Variants in DLGAP2 observed in about 807,000 individuals in gnomAD.
DLGAP2 encodes the protein disks large-associated protein 2.
A neutral mutation model predicts 100.3 loss-of-function variants in DLGAP2; 26 were observed. The ratio of observed to expected loss-of-function variants is 0.26; its 90% CI spans 0.19 to 0.36. The LOEUF is 0.36. Ranked by LOEUF, DLGAP2 falls within the 10% of genes least tolerant of loss-of-function variation. The pLI, the probability that DLGAP2 is intolerant of heterozygous loss-of-function variation, is 1.00. For missense variants in DLGAP2, 1,858 were observed against 1,453.2 expected, an observed-to-expected ratio of 1.28 and a Z score of -4.53; for synonymous variants, 886 against 630.1, an observed-to-expected ratio of 1.41 and a Z score of -6.08.
intron 8 of DLGAP2, among the ~76,000 whole-genome samples, chr8:1,645,044 C>G (rs960410411): frequency 3.9e-5 from 6 of 152,130 alleles, no homozygotes; most frequent in Non-Finnish European, 8.8e-5. Flanking sequence ...AGAGAGAGCT[C>G]TGATGGCACC....
intron 3 of DLGAP2, among the ~76,000 whole-genome samples, chr8:1,289,290 A>G (rs1349426119): frequency 6.6e-6 from 1 of 152,248 alleles, no homozygotes; most frequent in Non-Finnish European, 1.5e-5. Flanking sequence ...AGAGACAGCT[A>G]CTTATTTGAC....
chr8:1,290,863 G>A (rs1364545005), intron 3 of DLGAP2, among the ~76,000 whole-genome samples: 2 of 152,054 alleles, frequency 1.3e-5, no homozygotes, highest in Non-Finnish European at 2.9e-5. Context: ...TTGCTATTGT[G>A]GAAAAATAGA....
At chr8:1,438,652 C>T (rs992616965) in intron 3 of DLGAP2, among the ~76,000 whole-genome samples, 1 of 152,182 alleles carries the variant, frequency 6.6e-6, no homozygotes, top group African/African-American at 2.4e-5. Context: ...GGGCAACACT[C>T]GCCAGAGTTT....
chr8:741,388 C>T (rs1820479751), intron 1 of DLGAP2, among the ~76,000 whole-genome samples: 1 of 152,152 alleles, frequency 6.6e-6, no homozygotes, highest in Admixed American at 6.5e-5. Flanking sequence ...TTTTTCATGT[C>T]ATTCTTCTGT....
At chr8:1,647,849 G>C (rs2469679) in intron 8 of DLGAP2, among the ~76,000 whole-genome samples, 3 of 152,178 alleles carry the variant, frequency 2.0e-5, no homozygotes, top group African/African-American at 7.2e-5. Context: ...AGGGTGTCCA[G>C]TGTGGGCAGC....
chr8:1,332,010 G>C (rs576330771), intron 3 of DLGAP2, among the ~76,000 whole-genome samples: 2 of 152,300 alleles, frequency 1.3e-5, no homozygotes, highest in South Asian at 4.1e-4. Flanking sequence ...GGCAGCACAC[G>C]GCAGCGCCTT....
chr8:1,230,604 A>C (rs73527764), intron 2 of DLGAP2, among the ~76,000 whole-genome samples: 3,186 of 152,328 alleles, frequency 0.021, 129 homozygotes, highest in African/African-American at 0.073. Context: ...CCTGACTTCA[A>C]ACTGTACTAT....
At chr8:1,588,647 A>G (rs1218272817) in intron 6 of DLGAP2, among the ~76,000 whole-genome samples, 1 of 150,576 alleles carries the variant, frequency 6.6e-6, no homozygotes, top group East Asian at 2.0e-4. Context: ...CAGGCCTGTA[A>G]TCCCACAACT....
chr8:1,626,540 CTCTGGG>C (rs1274288905), intron 6 of DLGAP2, among the ~76,000 whole-genome samples, 194 bp from the exon 7 acceptor site: 41 of 148,592 alleles, frequency 2.8e-4, no homozygotes, highest in African/African-American at 3.0e-4. Flanking sequence ...GGTGCTCAGC[CTCTGGG>C]TGTGGGTTGG....
chr8:1,204,914 T>A (rs984859865), intron 2 of DLGAP2, among the ~76,000 whole-genome samples: 2 of 152,194 alleles, frequency 1.3e-5, no homozygotes, highest in African/African-American at 2.4e-5. Context: ...CCAGGGCTGT[T>A]TGCCTGGAAC....
chr8:836,859 T>C (rs921099399), intron 1 of DLGAP2, among the ~76,000 whole-genome samples: 1 of 152,204 alleles, frequency 6.6e-6, no homozygotes, highest in African/African-American at 2.4e-5. Flanking sequence ...TCTGCGCTCG[T>C]CTCCTTTCAT....
At chr8:1,421,851 C>T (rs751073346) in intron 3 of DLGAP2, among the ~76,000 whole-genome samples, 3 of 152,042 alleles carry the variant, frequency 2.0e-5, no homozygotes, top group Non-Finnish European at 4.4e-5. Context: ...GTAATCCCAG[C>T]TACTCAAGAG....
intron 2 of DLGAP2, among the ~76,000 whole-genome samples, chr8:1,208,869 T>C (rs1327252607): frequency 1.4e-5 from 1 of 71,604 alleles, no homozygotes; most frequent in Non-Finnish European, 3.4e-5. Flanking sequence ...GCTGCAAAAA[T>C]AAATAAATAA....
At chr8:1,508,226 C>T (rs1394982066) in intron 4 of DLGAP2, among the ~76,000 whole-genome samples, 3 of 150,944 alleles carry the variant, frequency 2.0e-5, no homozygotes, top group Non-Finnish European at 4.4e-5. Flanking sequence ...ATCACGCGTC[C>T]CATTCTGGCC....
At chr8:1,536,005 G>A (rs538559282) in intron 4 of DLGAP2, among the ~76,000 whole-genome samples, 61 of 152,294 alleles carry the variant, frequency 4.0e-4, no homozygotes, top group Admixed American at 1.6e-3. Context: ...CTAGTGTGTC[G>A]GCTATAATGT....
intron 2 of DLGAP2, among the ~76,000 whole-genome samples, chr8:1,189,403 A>G (rs1440640348): frequency 6.6e-6 from 1 of 152,212 alleles, no homozygotes; most frequent in Non-Finnish European, 1.5e-5. Flanking sequence ...AACCATCTGG[A>G]GTGCAGTTAC....
intron 6 of DLGAP2, among the ~76,000 whole-genome samples, chr8:1,569,179 C>T (rs1440118727): frequency 6.6e-6 from 1 of 150,996 alleles, no homozygotes; most frequent in Non-Finnish European, 1.5e-5. Context: ...GACACAAATC[C>T]ACTCTGCCTA....
intron 3 of DLGAP2, among the ~76,000 whole-genome samples, chr8:1,372,243 C>G (rs945843702): frequency 3.3e-5 from 5 of 151,930 alleles, no homozygotes; most frequent in African/African-American, 4.8e-5. Context: ...GGTGCCAACG[C>G]TGGGACGCTG....
At chr8:1,583,177 C>A (rs1448374077) in intron 6 of DLGAP2, among the ~76,000 whole-genome samples, 1 of 152,118 alleles carries the variant, frequency 6.6e-6, no homozygotes, top group Admixed American at 6.6e-5. Context: ...CTGACACTTC[C>A]GTTTTGGGAT....
Sources: allele counts gnomAD v4.1 joint callset (sites outside exome capture counted in the v4.1 genomes callset), GRCh38; gene constraint gnomAD v4.1.1; transcripts MANE v1.5; gene names NCBI Gene and HGNC (gene_info 2026-07-23, HGNC 2026-07-21).